Variants in IGSF11 observed in about 807,000 individuals in gnomAD.
IGSF11 encodes the protein CXADR like 1.
IGSF11 carries 22 observed loss-of-function variants against 41.0 expected under a neutral mutation model. That is an observed-to-expected ratio of 0.54 (90% CI 0.38 to 0.77). The LOEUF is 0.77. Ranked by LOEUF, IGSF11 falls within the 30% of genes least tolerant of loss-of-function variation. The probability of loss-of-function intolerance (pLI) is 0.00; values close to 1 mark genes in which losing one functional copy is unlikely to be tolerated. For missense variants in IGSF11, 444 were observed against 530.8 expected (o/e 0.84, Z 1.61); for synonymous variants, 219 against 201.3 (o/e 1.09, Z -0.74).
At chr3:119,093,620 A>G (rs1020140836) in intron 1 of IGSF11, among the ~76,000 whole-genome samples, 1 of 152,170 alleles carries the variant, frequency 6.6e-6, no homozygotes, top group Non-Finnish European at 1.5e-5. Flanking sequence ...TACCTTCCAG[A>G]AAGTTCACTA....
At chr3:119,021,948 C>G (rs1426792375) in intron 1 of IGSF11, among the ~76,000 whole-genome samples, 1 of 152,108 alleles carries the variant, frequency 6.6e-6, no homozygotes, top group South Asian at 2.1e-4. Flanking sequence ...AGTACTTCCA[C>G]AAACATGTTT....
chr3:119,053,749 T>A (rs549032137), intron 1 of IGSF11, among the ~76,000 whole-genome samples: 1 of 151,746 alleles, frequency 6.6e-6, no homozygotes, highest in Non-Finnish European at 1.5e-5. Flanking sequence ...AGGCATCACA[T>A]TATCCAAGTT....
intron 1 of IGSF11, among the ~76,000 whole-genome samples, chr3:119,050,525 G>A (rs1415040537): frequency 1.3e-5 from 2 of 151,710 alleles, no homozygotes; most frequent in Non-Finnish European, 2.9e-5. Context: ...TGGAGAAATA[G>A]GAACACTTTT....
intron 1 of IGSF11, among the ~76,000 whole-genome samples, chr3:119,047,343 A>C (rs1220450818): frequency 6.6e-6 from 1 of 152,220 alleles, no homozygotes; most frequent in Non-Finnish European, 1.5e-5. Context: ...CAGGAGTTGC[A>C]ATCCTACTCT....
At chr3:118,963,903 CTGAG>C (rs1945502698) in intron 1 of IGSF11, among the ~76,000 whole-genome samples, 1 of 152,072 alleles carries the variant, frequency 6.6e-6, no homozygotes, top group Admixed American at 6.5e-5. Context: ...GCCAAGCTTC[CTGAG>C]TGAGAATCAC....
intron 1 of IGSF11, among the ~76,000 whole-genome samples, chr3:118,975,363 T>TAAAAAAAAAAAAAAAAAAAAAAAAA (rs376307753): frequency 7.1e-6 from 1 of 140,700 alleles, no homozygotes; most frequent in African/African-American, 2.6e-5. Flanking sequence ...CTGCTGGATT[T>TAAAAAAAAAAAAAAAAAAAAAAAAA]AAAAAAAAAA....
intron 1 of IGSF11, chr3:118,944,991 G>T (rs979052880): frequency 6.6e-6 from 1 of 152,122 alleles, no homozygotes; most frequent in Non-Finnish European, 1.5e-5. Context: ...TAGAATCCAG[G>T]TACAGCTACT....
At chr3:119,001,629 A>G (rs1268876551) in intron 1 of IGSF11, among the ~76,000 whole-genome samples, 1 of 65,418 alleles carries the variant, frequency 1.5e-5, no homozygotes, top group Non-Finnish European at 2.8e-5. Flanking sequence ...CCCTCCCCCC[A>G]CCCCACAACA....
intron 4 of IGSF11, among the ~76,000 whole-genome samples, chr3:118,924,998 T>C (rs1942165241): frequency 6.6e-6 from 1 of 152,178 alleles, no homozygotes; most frequent in African/African-American, 2.4e-5. Flanking sequence ...CAAAAGCAGC[T>C]ATTTAGCCAA....
chr3:119,101,232 G>A (rs774822645), intron 1 of IGSF11, among the ~76,000 whole-genome samples: 6 of 152,130 alleles, frequency 3.9e-5, no homozygotes, highest in East Asian at 1.9e-4. Context: ...AAAGCAGGCC[G>A]GGTGCGGTGG....
chr3:119,120,142 C>T (rs1390677343), intron 1 of IGSF11, among the ~76,000 whole-genome samples: 2 of 152,226 alleles, frequency 1.3e-5, no homozygotes, highest in African/African-American at 4.8e-5. Context: ...TGATATCTCA[C>T]ACAGAACCCT....
Position 119,025,095 on chromosome 3 carries a change from G to T in IGSF11, c.52+9436C>A, listed in dbSNP as rs749708229. On this transcript the variant is annotated intron_variant, in intron 1 of 6. Coordinates refer to ENST00000393775, the MANE Select transcript of IGSF11 (RefSeq NM_001015887.3). ...AGATGGAGATAGTTTTAATTCTGAGGATAGAAATTACTATAACATTTTATT... is the reference window on the plus strand; with the variant it reads ...AGATGGAGATAGTTTTAATTCTGAGTATAGAAATTACTATAACATTTTATT... Among the ~76,000 whole-genome samples, 5 of 152,096 alleles carry T rather than the reference G, an allele frequency of 3.3e-5. No individual in the cohort carries two copies. In the East Asian group the frequency reaches 9.6e-4, roughly 29 times the overall value.
chr3:119,098,540 A>G (rs947234839), intron 1 of IGSF11, among the ~76,000 whole-genome samples: 1 of 152,196 alleles, frequency 6.6e-6, no homozygotes, highest in African/African-American at 2.4e-5. Flanking sequence ...CACAATAGAG[A>G]TTAACACATT....
intron 1 of IGSF11, among the ~76,000 whole-genome samples, chr3:118,936,055 G>A (rs1352405496): frequency 1.3e-5 from 2 of 152,076 alleles, no homozygotes; most frequent in Non-Finnish European, 2.9e-5. Context: ...AAGTTTCTTA[G>A]AGTAAGAAGG....
chr3:119,122,874 G>A (rs2077352331), intron 1 of IGSF11, among the ~76,000 whole-genome samples: 1 of 152,196 alleles, frequency 6.6e-6, no homozygotes, highest in South Asian at 2.1e-4. Context: ...GTCTTGGGGA[G>A]ACTCTCAACC....
At chr3:119,126,415 T>C (rs2077405740) in intron 1 of IGSF11, among the ~76,000 whole-genome samples, 1 of 152,224 alleles carries the variant, frequency 6.6e-6, no homozygotes, top group Non-Finnish European at 1.5e-5. Flanking sequence ...CTGCAGTCTC[T>C]GCAGACCAGC....
chr3:118,998,955 T>C (rs1344135143), intron 1 of IGSF11, among the ~76,000 whole-genome samples: 1 of 152,104 alleles, frequency 6.6e-6, no homozygotes, highest in African/African-American at 2.4e-5. Context: ...GCAAGTTATG[T>C]TACATCCATA....
At chr3:119,049,087 C>A (rs1196945757) in intron 1 of IGSF11, among the ~76,000 whole-genome samples, 1 of 151,466 alleles carries the variant, frequency 6.6e-6, no homozygotes, top group Non-Finnish European at 1.5e-5. Context: ...AAAACTGGCA[C>A]AAGACAGGGA....
At chr3:118,906,481 G>C (rs1217193159) in intron 4 of IGSF11, among the ~76,000 whole-genome samples, 2 of 152,202 alleles carry the variant, frequency 1.3e-5, no homozygotes, top group Admixed American at 6.5e-5. Flanking sequence ...AAATAGGCCT[G>C]CATTAGGCCC....
Sources: gnomAD v4.1 joint callset for allele counts (sites outside exome capture counted in the v4.1 genomes callset) on GRCh38, gnomAD v4.1.1 for gene constraint, MANE v1.5 for transcripts, NCBI Gene and HGNC (gene_info 2026-07-23, HGNC 2026-07-21) for gene names.